LDB2: variants seen among roughly 807,000 people sequenced by gnomAD.
The protein encoded by LDB2 is LIM domain-binding protein 2.
LDB2 carries 12 observed loss-of-function variants against 44.3 expected under a neutral mutation model. The observed-to-expected ratio is 0.27, with a 90% CI of 0.17 to 0.44. The LOEUF (loss-of-function observed/expected upper bound fraction) is 0.44, where lower values mean the gene tolerates loss of function less well. Among genes scored for constraint, LDB2 ranks in the 20% least tolerant of loss-of-function variants. The pLI, the probability that LDB2 is intolerant of heterozygous loss-of-function variation, is 1.00. For missense variants in LDB2, 344 were observed against 473.5 expected, an observed-to-expected ratio of 0.73 and a Z score of 2.54; for synonymous variants, 164 against 174.8, an observed-to-expected ratio of 0.94 and a Z score of 0.49.
intron 1 of LDB2, among the ~76,000 whole-genome samples, chr4:16,861,159 A>G (rs770399011): frequency 1.4e-4 from 22 of 152,186 alleles, no homozygotes; most frequent in Non-Finnish European, 3.2e-4. Flanking sequence ...GTCTTCTTAT[A>G]TATGCTGTAC....
At chr4:16,894,552 T>C (rs1166618713) in intron 1 of LDB2, among the ~76,000 whole-genome samples, 6 of 152,182 alleles carry the variant, frequency 3.9e-5, no homozygotes, top group Admixed American at 1.3e-4. Context: ...TGTTAGTACT[T>C]AGTCACTTGC....
intron 5 of LDB2, among the ~76,000 whole-genome samples, chr4:16,560,795 G>A (rs1294164823): frequency 2.6e-5 from 4 of 152,130 alleles, no homozygotes; most frequent in African/African-American, 4.8e-5. Context: ...TATCCTTGAC[G>A]AACATTAATG....
At chr4:16,707,662 T>G (rs866100976) in intron 2 of LDB2, among the ~76,000 whole-genome samples, 1 of 152,192 alleles carries the variant, frequency 6.6e-6, no homozygotes, top group African/African-American at 2.4e-5. Flanking sequence ...TAAATTATTT[T>G]ACACCTGTCT....
At chr4:16,814,473 A>G (rs1313686888) in intron 1 of LDB2, among the ~76,000 whole-genome samples, 3 of 152,148 alleles carry the variant, frequency 2.0e-5, no homozygotes. Context: ...GCTAAATCCT[A>G]TCTGCTCGTT....
chr4:16,535,190 G>A (rs1416698611), intron 5 of LDB2, among the ~76,000 whole-genome samples: 1 of 152,174 alleles, frequency 6.6e-6, no homozygotes, highest in Non-Finnish European at 1.5e-5. Flanking sequence ...GACCGTGGAA[G>A]GGGAGCTAAC....
At chr4:16,550,710 C>A (rs2152347209) in intron 5 of LDB2, among the ~76,000 whole-genome samples, 1 of 152,308 alleles carries the variant, frequency 6.6e-6, no homozygotes, top group South Asian at 2.1e-4. Flanking sequence ...GAAAACAAAG[C>A]TTCAGATGCA....
At position 16,782,940 on chromosome 4, in the gene LDB2, A is replaced by T. The variant is rs115600767; in HGVS notation, c.133-23680T>A. ...AATGAGAAGTACTTGAAAAAAAATA[A>T]AATAGAATAATACTTAGAGTAACTG... On this transcript the variant is annotated intron_variant, in intron 1 of 7. Coordinates refer to ENST00000304523, the MANE Select transcript of LDB2 (RefSeq NM_001290.5). Among the ~76,000 whole-genome samples the T allele has an allele frequency of 2.6e-3, 396 of 152,324 alleles. 1 individual carries two copies. The highest frequency in any genetic ancestry group is 3.8e-3 in the Non-Finnish European group (258 of 68,038).
rs1720807519 is a variant in LDB2, at chr4:16,596,006, T to A, written c.236-131A>T. 3 of 905,488 alleles carry A rather than the reference T, an allele frequency of 3.3e-6. No individual in the cohort carries two copies. The South Asian group carries it at 6.0e-5, about 18-fold the overall frequency. The allele number at this position is 905,488 out of a possible 1,614,324, so 56.1% of individuals were successfully genotyped here. On this transcript the variant is annotated intron_variant, in intron 2 of 7. Transcript: ENST00000304523. ...AAGAAACCATACCAGGAGGCAAATT[T>A]CTCTTTAAAAACAGCCATGACCCTT...
intron 1 of LDB2, among the ~76,000 whole-genome samples, chr4:16,800,435 A>G (rs1009463132): frequency 3.3e-5 from 5 of 152,236 alleles, no homozygotes; most frequent in Admixed American, 2.6e-4. Flanking sequence ...TGCTTGTAAC[A>G]TCTTACCAGT....
intron 1 of LDB2, among the ~76,000 whole-genome samples, chr4:16,887,043 A>G (rs912258115): frequency 2.0e-4 from 29 of 144,608 alleles, no homozygotes; most frequent in Non-Finnish European, 2.5e-4. Context: ...AAAAAAAAAA[A>G]AAAAAAAAAA....
At chr4:16,794,148 A>T (rs1055151457) in intron 1 of LDB2, among the ~76,000 whole-genome samples, 1 of 152,158 alleles carries the variant, frequency 6.6e-6, no homozygotes. Flanking sequence ...CTTAAAGCCC[A>T]CAACAAGCAG....
At chr4:16,523,701 AG>A (rs1238328208) in intron 5 of LDB2, among the ~76,000 whole-genome samples, 1 of 151,988 alleles carries the variant, frequency 6.6e-6, no homozygotes, top group Non-Finnish European at 1.5e-5. Context: ...TAGTGTAGAT[AG>A]TGTGTATCCA....
At chr4:16,666,745 G>T (rs939786454) in intron 2 of LDB2, among the ~76,000 whole-genome samples, 5 of 152,150 alleles carry the variant, frequency 3.3e-5, no homozygotes, top group South Asian at 2.1e-4. Context: ...GAGAATCGTG[G>T]TATTTGAATG....
In LDB2 at chr4:16,838,673, AC is replaced by A. The variant is rs142384004; in HGVS notation, c.132+59680del. Among the ~76,000 whole-genome samples, 320 of 152,334 alleles carry A rather than the reference AC, an allele frequency of 2.1e-3. 5 individuals are homozygous for A. The East Asian group carries it at 0.037, about 18-fold the overall frequency. The stretch of plus-strand genomic sequence containing the variant: ...GGAGCTCCCAACACACACTGAGGTC[AC>A]CAAACTTGGCTCAACCATTTCTCTG... On this transcript the variant is annotated intron_variant, in intron 1 of 7. Coordinates refer to ENST00000304523, the MANE Select transcript of LDB2 (RefSeq NM_001290.5).
intron 2 of LDB2, among the ~76,000 whole-genome samples, chr4:16,631,261 GA>G (rs1459607544): frequency 1.2e-4 from 18 of 152,160 alleles, no homozygotes; most frequent in African/African-American, 3.6e-4. Context: ...AATCAAAGTA[GA>G]ACTCAGGATT....
chr4:16,829,458 CGT>C (rs1392881697), intron 1 of LDB2, among the ~76,000 whole-genome samples: 1 of 151,998 alleles, frequency 6.6e-6, no homozygotes. Flanking sequence ...TTTTTAAAAC[CGT>C]GTGTCTATAT....
At chr4:16,624,413 A>T (rs1560672629) in intron 2 of LDB2, among the ~76,000 whole-genome samples, 1 of 152,136 alleles carries the variant, frequency 6.6e-6, no homozygotes, top group African/African-American at 2.4e-5. Flanking sequence ...TAAAATTTTT[A>T]AAATAAATAA....
chr4:16,842,378 G>A (rs1786053709), intron 1 of LDB2, among the ~76,000 whole-genome samples: 1 of 151,876 alleles, frequency 6.6e-6, no homozygotes, highest in Admixed American at 6.6e-5. Flanking sequence ...CAACCTAGCA[G>A]AAGAAACTAA....
intron 2 of LDB2, among the ~76,000 whole-genome samples, chr4:16,685,392 T>TTTTTTG (rs2152572600): frequency 6.6e-6 from 1 of 152,208 alleles, no homozygotes; most frequent in South Asian, 2.1e-4. Context: ...TTTTGTTTTG[T>TTTTTTG]TTTTTGTTTT....
Sources: allele counts gnomAD v4.1 joint callset (sites outside exome capture counted in the v4.1 genomes callset), GRCh38; gene constraint gnomAD v4.1.1; transcripts MANE v1.5; gene names NCBI Gene and HGNC (gene_info 2026-07-23, HGNC 2026-07-21).